TBL1X: variants seen among roughly 807,000 people sequenced by gnomAD.
The protein encoded by TBL1X is F-box-like/WD repeat-containing protein TBL1X.
TBL1X carries 10 observed loss-of-function variants against 50.7 expected under a neutral mutation model. The observed-to-expected ratio is 0.20, with a 90% CI of 0.12 to 0.33. The LOEUF (loss-of-function observed/expected upper bound fraction) is 0.33, where lower values mean the gene tolerates loss of function less well. Ranked by LOEUF, TBL1X falls within the 10% of genes least tolerant of loss-of-function variation. The pLI, the probability that TBL1X is intolerant of heterozygous loss-of-function variation, is 1.00. For missense variants in TBL1X, 340 were observed against 504.4 expected (o/e 0.67, Z 3.12); for synonymous variants, 190 against 214.7 (o/e 0.88, Z 1.01).
chrX:9,465,598 A>C (rs1361516264), intron 1 of TBL1X, among the ~76,000 whole-genome samples, 151 bp downstream of exon 1: 3 of 111,978 alleles, frequency 2.7e-5, no homozygotes, highest in African/African-American at 9.7e-5. Context: ...GCAGGTCGCC[A>C]ACTGTCCCCG....
chrX:9,486,589 A>ACC (rs369631747), intron 1 of TBL1X, among the ~76,000 whole-genome samples: 27 of 99,117 alleles, frequency 2.7e-4, no homozygotes, highest in Non-Finnish European at 3.9e-4. Flanking sequence ...CAGAACACAC[A>ACC]CCCCCCCCCC....
At chrX:9,598,669 T>C (rs2082537960) in intron 2 of TBL1X, among the ~76,000 whole-genome samples, 1 of 111,524 alleles carries the variant, frequency 9.0e-6, no homozygotes, top group South Asian at 3.8e-4. Flanking sequence ...GCTGCTGGAG[T>C]GGCTAAAACG....
At chrX:9,590,162 G>A (rs1235553923) in intron 2 of TBL1X, among the ~76,000 whole-genome samples, 6 of 111,814 alleles carry the variant, frequency 5.4e-5, no homozygotes, top group Non-Finnish European at 1.1e-4. Flanking sequence ...GAGAGAAAGG[G>A]CGGAAGGAGA....
chrX:9,597,489 A>G (rs1183909492), intron 2 of TBL1X, among the ~76,000 whole-genome samples: 1 of 111,946 alleles, frequency 8.9e-6, no homozygotes. Flanking sequence ...TTTTCCTCCC[A>G]GAGACATTAA....
At chrX:9,701,678 C>T (rs1264756752) in intron 12 of TBL1X, among the ~76,000 whole-genome samples, 5 of 109,777 alleles carry the variant, frequency 4.6e-5, no homozygotes, top group African/African-American at 1.7e-4. Context: ...CCATCCTGGA[C>T]CGCGGGTTGA....
intron 2 of TBL1X, among the ~76,000 whole-genome samples, chrX:9,612,743 C>T (rs2082619696): frequency 9.0e-6 from 1 of 110,884 alleles, no homozygotes; most frequent in Admixed American, 9.6e-5. Context: ...GAGATGGATA[C>T]CCTATTCCCT....
At position 9,692,145 on chromosome X, in the gene TBL1X, T is replaced by A; in HGVS notation, c.782T>A (p.Leu261Gln). The change falls in exon 9 of 18, where the codon CTG becomes CAG. Residue 261 changes from leucine to glutamine, a missense_variant. Coordinates refer to ENST00000645353, the MANE Select transcript of TBL1X (RefSeq NM_005647.4). ...GACTCAACTGCAAGGATATGGAACC[T>A]GAATGAGAATAGCAACGGGGGCTCC... ...SGDSTARIWN[L>Q]NENSNGGSTQ... The A allele has an allele frequency of 8.3e-7, 1 of 1,211,618 alleles. No individual in the cohort carries two copies. Among genetic ancestry groups the A allele is most frequent in the Non-Finnish European group, 1.1e-6 (1 of 895,492 alleles).
chrX:9,601,432 A>G (rs2082556241), intron 2 of TBL1X, among the ~76,000 whole-genome samples: 1 of 111,414 alleles, frequency 9.0e-6, no homozygotes, highest in East Asian at 2.8e-4. Flanking sequence ...TTCTGTAGAG[A>G]CAGGATGTGT....
intron 2 of TBL1X, among the ~76,000 whole-genome samples, chrX:9,590,346 T>A (rs1404186445): frequency 3.0e-5 from 3 of 101,022 alleles, no homozygotes; most frequent in Non-Finnish European, 6.0e-5. Context: ...GTCTAAAAAT[T>A]ATTTCAAGAT....
intron 2 of TBL1X, among the ~76,000 whole-genome samples, chrX:9,555,137 A>G (rs2082289896): frequency 9.0e-6 from 1 of 111,425 alleles, no homozygotes; most frequent in Admixed American, 9.6e-5. Flanking sequence ...ATGTAGTGGT[A>G]GGATCATAGC....
intron 2 of TBL1X, among the ~76,000 whole-genome samples, chrX:9,627,922 A>G (rs1409998028): frequency 8.9e-6 from 1 of 112,410 alleles, no homozygotes; most frequent in Non-Finnish European, 1.9e-5. Flanking sequence ...AATGGACATA[A>G]TATTAAATAG....
intron 1 of TBL1X, among the ~76,000 whole-genome samples, chrX:9,490,321 T>A (rs1372869446): frequency 8.9e-6 from 1 of 111,735 alleles, no homozygotes; most frequent in Non-Finnish European, 1.9e-5. Context: ...AGAGCCCTGT[T>A]CTCACCTGAG....
chrX:9,697,246 C>G (rs1451452990), intron 11 of TBL1X, 123 bp from the exon 12 acceptor site: 9 of 896,711 alleles, frequency 1.0e-5, no homozygotes, highest in Non-Finnish European at 1.1e-5. Context: ...GGCTCACTCT[C>G]TATCTCTATT....
At chrX:9,490,143 A>ATT (rs71707662) in intron 1 of TBL1X, among the ~76,000 whole-genome samples, 3 of 106,783 alleles carry the variant, frequency 2.8e-5, no homozygotes, top group African/African-American at 1.0e-4. Flanking sequence ...CTTTTTAAAC[A>ATT]TTTTTTTTGT....
rs1384616018 is a variant in TBL1X, at chrX:9,717,563, G to A, written c.*1317G>A. 8.8e-6 allele frequency: 1 copy of A among 113,087 alleles called. No individual in the cohort carries two copies. Among genetic ancestry groups the A allele is most frequent in the Non-Finnish European group, 1.9e-5 (1 of 53,434 alleles). 9.3% of individuals were successfully genotyped at this position (113,087 alleles called of 1,213,427 possible). On this transcript the variant is annotated 3_prime_UTR_variant, in exon 18 of 18. Transcript: ENST00000645353. ...CCTTGGCAGCCAGCAGGAAAGCAGC[G>A]AAGAGCCGCGCGCCCTCTGGCCTCA...
At chrX:9,559,476 G>A (rs1569055567) in intron 2 of TBL1X, among the ~76,000 whole-genome samples, 1 of 111,279 alleles carries the variant, frequency 9.0e-6, no homozygotes, top group East Asian at 2.8e-4. Flanking sequence ...ACATCAAGAC[G>A]AAGTATATTT....
chrX:9,651,113 G>A (rs1247160118), intron 3 of TBL1X, among the ~76,000 whole-genome samples: 1 of 95,906 alleles, frequency 1.0e-5, no homozygotes, highest in Non-Finnish European at 2.0e-5. Flanking sequence ...CTGCAGCCTC[G>A]ACTTCCCAGG....
At chrX:9,673,013 C>T (rs1200322244) in intron 5 of TBL1X, among the ~76,000 whole-genome samples, 12 of 111,942 alleles carry the variant, frequency 1.1e-4, no homozygotes, top group African/African-American at 3.2e-4. Flanking sequence ...TGTGTCCTCA[C>T]GTGGTGGAAG....
intron 2 of TBL1X, among the ~76,000 whole-genome samples, chrX:9,601,888 A>G (rs1163815363): frequency 1.8e-5 from 2 of 111,320 alleles, no homozygotes; most frequent in Non-Finnish European, 3.8e-5. Context: ...CTAAAAATAC[A>G]AAAAAATTAG....
Sources: gnomAD v4.1 joint callset for allele counts (sites outside exome capture counted in the v4.1 genomes callset) on GRCh38, gnomAD v4.1.1 for gene constraint, MANE v1.5 for transcripts, NCBI Gene and HGNC (gene_info 2026-07-23, HGNC 2026-07-21) for gene names.